The following COL27A1 variants were observed in gnomAD, a reference collection of about 807,000 sequenced individuals.
COL27A1 encodes the protein collagen alpha-1(XXVII) chain.
A neutral mutation model predicts 251.3 loss-of-function variants in COL27A1; 106 were observed. The ratio of observed to expected loss-of-function variants is 0.42; its 90% CI spans 0.36 to 0.50. The LOEUF (loss-of-function observed/expected upper bound fraction) is 0.50. Ranked by LOEUF, COL27A1 falls within the 20% of genes least tolerant of loss-of-function variation. COL27A1 has a pLI of 0.00. For missense variants in COL27A1, 2,325 were observed against 2,522.8 expected (o/e 0.92, Z 1.68); for synonymous variants, 1,000 against 986.3 (o/e 1.01, Z -0.26).
At chr9:114,191,555 A>C (rs1286655477) in intron 5 of COL27A1, among the ~76,000 whole-genome samples, 1 of 152,198 alleles carries the variant, frequency 6.6e-6, no homozygotes, top group Non-Finnish European at 1.5e-5. Flanking sequence ...TTTGCTTAGG[A>C]TAATGGCTTC....
intron 51 of COL27A1, 67 bp from the exon 52 acceptor site, chr9:114,301,005 C>G (rs1400040962): frequency 6.7e-7 from 1 of 1,495,804 alleles, no homozygotes; most frequent in African/African-American, 1.4e-5. Flanking sequence ...CTGCCCTCCA[C>G]CCCGCTCCCC....
chr9:114,303,283 G>T (rs1365998410), intron 56 of COL27A1, among the ~76,000 whole-genome samples: 1 of 141,762 alleles, frequency 7.1e-6, no homozygotes, highest in Admixed American at 7.7e-5. Flanking sequence ...CTGTCTCCCA[G>T]GCTGGAGTGC....
intron 19 of COL27A1, among the ~76,000 whole-genome samples, chr9:114,239,931 AC>A (rs1832638195): frequency 6.6e-6 from 1 of 152,180 alleles, no homozygotes; most frequent in South Asian, 2.1e-4. Context: ...CAGTAGCAGC[AC>A]CGGATTTGAG....
intron 1 of COL27A1, among the ~76,000 whole-genome samples, chr9:114,161,826 A>G (rs1487549577): frequency 6.6e-6 from 1 of 152,274 alleles, no homozygotes; most frequent in Non-Finnish European, 1.5e-5. Flanking sequence ...GGCAAAAGCC[A>G]CAGAGCAGAG....
Position 114,168,095 on chromosome 9 carries a change from T to A in COL27A1, c.540T>A (p.Pro180=), listed in dbSNP as rs751862826. The change falls in exon 3 of 61, where the codon CCT becomes CCA. Residue 180 remains proline, a synonymous_variant. Coordinates refer to ENST00000356083, the MANE Select transcript of COL27A1 (RefSeq NM_032888.4). ...CTGCCTGCGGGCAGCGCCGGGTGCC[T>A]GTCCTGCTGCCTTTCCACAGGGACC... ...LVTACGQRRV[P]VLLPFHRDPA... 1 of 1,611,748 alleles carries A rather than the reference T, an allele frequency of 6.2e-7. No individual in the cohort carries two copies. Among genetic ancestry groups the A allele is most frequent in the South Asian group, 1.1e-5 (1 of 91,088 alleles).
At chr9:114,285,036 G>A (rs187584533) in intron 41 of COL27A1, among the ~76,000 whole-genome samples, 8 of 152,348 alleles carry the variant, frequency 5.3e-5, no homozygotes, top group Admixed American at 2.6e-4. Flanking sequence ...CTGCCCTCAC[G>A]GGGCTTATAG....
chr9:114,268,798 T>C (rs557581686), intron 34 of COL27A1: 4 of 156,814 alleles, frequency 2.6e-5, no homozygotes, highest in Non-Finnish European at 5.6e-5. Flanking sequence ...CTGCCGGGCA[T>C]GGTGGCGCAT....
At chr9:114,269,377 C>T in intron 35 of COL27A1, 83 bp downstream of exon 35, 1 of 941,898 alleles carries the variant, frequency 1.1e-6, no homozygotes. Context: ...TTCTCAATCT[C>T]CCTAAGCCTC....
intron 3 of COL27A1, among the ~76,000 whole-genome samples, chr9:114,172,586 A>G (rs974111299): frequency 5.9e-5 from 9 of 152,138 alleles, no homozygotes; most frequent in African/African-American, 2.2e-4. Context: ...CAGGCGGATC[A>G]CTTGAGGCCA....
chr9:114,219,801 G>T lies in COL27A1; in HGVS notation c.2378G>T (p.Gly793Val). The change falls in exon 13 of 61, where the codon GGA (glycine) becomes GTA (valine). Residue 793 changes from glycine to valine, a missense_variant. This residue lies in a region of COL27A1 where 1,183 missense variants were observed against 1,144.1 expected (regional missense o/e 1.03). Transcript: ENST00000356083. ...RGKMGMPGFP[G>V]VFGERGPPGL... ...TCTCATGCCCTCCAGGGGTTTCCTG[G>T]AGTCTTTGGGGAAAGAGGCCCTCCT... The T allele has an allele frequency of 6.2e-7, 1 of 1,610,574 alleles. No individual in the cohort carries two copies. The highest frequency in any genetic ancestry group is 8.5e-7 in the Non-Finnish European group (1 of 1,176,886).
chr9:114,233,958 G>A (rs1468573255), intron 16 of COL27A1, among the ~76,000 whole-genome samples: 1 of 152,114 alleles, frequency 6.6e-6, no homozygotes, highest in Non-Finnish European at 1.5e-5. Context: ...TGGGATGACA[G>A]AGCCATCCCT....
At chr9:114,161,546 C>A (rs902357985) in intron 1 of COL27A1, among the ~76,000 whole-genome samples, 1 of 152,130 alleles carries the variant, frequency 6.6e-6, no homozygotes, top group Non-Finnish European at 1.5e-5. Context: ...AGTTATCAAC[C>A]CTGGCAGACA....
chr9:114,243,647 C>T, intron 23 of COL27A1, 87 bp downstream of exon 23: 4 of 1,145,916 alleles, frequency 3.5e-6, no homozygotes, highest in Non-Finnish European at 5.0e-6. Context: ...AATCCCATGG[C>T]CAGTTGTGAA....
rs1420639477 is a variant in COL27A1, at chr9:114,290,654, G to A, written c.4369-156G>A. On this transcript the variant is annotated intron_variant, in intron 47 of 60. Transcript: ENST00000356083. This position sits in a 1 kb window ranked among gnomAD's most constrained non-coding sequence, Gnocchi z 4.6. ...AATCCTCAGCTCCTCCTGTCCTCCT[G>A]GTCCAGCCACATCACACACAGGCCG... Among the ~76,000 whole-genome samples the A allele has an allele frequency of 6.6e-6, 1 of 152,110 alleles. No individual in the cohort carries two copies. The highest frequency in any genetic ancestry group is 6.5e-5 in the Admixed American group (1 of 15,276).
At chr9:114,227,610 C>T (rs1391651600) in intron 14 of COL27A1, among the ~76,000 whole-genome samples, 2 of 151,992 alleles carry the variant, frequency 1.3e-5, no homozygotes, top group African/African-American at 2.4e-5. Flanking sequence ...TGACATTTAG[C>T]TATTGCTAAG....
chr9:114,187,430 G>A (rs549354180), intron 5 of COL27A1, among the ~76,000 whole-genome samples: 619 of 152,388 alleles, frequency 4.1e-3, no homozygotes, highest in Non-Finnish European at 7.3e-3. Context: ...CCCCGGCCAA[G>A]AGCTTTATGT....
At chr9:114,172,444 T>C (rs1849386765) in intron 3 of COL27A1, among the ~76,000 whole-genome samples, 1 of 152,164 alleles carries the variant, frequency 6.6e-6, no homozygotes, top group Non-Finnish European at 1.5e-5. Flanking sequence ...GAACATAAGA[T>C]GATAATAGCT....
chr9:114,201,364 T>C (rs1829563092), intron 7 of COL27A1, among the ~76,000 whole-genome samples: 2 of 152,230 alleles, frequency 1.3e-5, no homozygotes, highest in Admixed American at 1.3e-4. Flanking sequence ...CTTGCAGGTC[T>C]GGGGCCCTGT....
chr9:114,191,424 C>T (rs1011301074), intron 5 of COL27A1, among the ~76,000 whole-genome samples: 1 of 152,154 alleles, frequency 6.6e-6, no homozygotes, highest in Admixed American at 6.5e-5. Flanking sequence ...TACCCCTACT[C>T]CCCTGCCACC....
Sources: allele counts gnomAD v4.1 joint callset (sites outside exome capture counted in the v4.1 genomes callset), GRCh38; gene constraint gnomAD v4.1.1; regional missense constraint gnomAD v4.1.1; non-coding constraint Gnocchi (gnomAD v3.1); transcripts MANE v1.5; gene names NCBI Gene and HGNC (gene_info 2026-07-23, HGNC 2026-07-21).